The following UNC5C variants were observed in gnomAD, a reference collection of about 807,000 sequenced individuals.
The protein encoded by UNC5C is unc-5 netrin receptor C, also known as netrin receptor UNC5C.
UNC5C carries 47 observed loss-of-function variants against 99.8 expected under a neutral mutation model. The observed-to-expected ratio is 0.47, with a 90% CI of 0.37 to 0.60. The LOEUF (loss-of-function observed/expected upper bound fraction) is 0.60, where lower values mean the gene tolerates loss of function less well. UNC5C is among the 20% of genes least tolerant of loss of function. The probability of loss-of-function intolerance (pLI) is 0.00; values close to 1 mark genes in which losing one functional copy is unlikely to be tolerated. For missense variants in UNC5C, 1,062 were observed against 1,165.9 expected (o/e 0.91, Z 1.30); for synonymous variants, 487 against 452.2 (o/e 1.08, Z -0.98).
chr4:95,198,187 C>T (rs543305066), intron 12 of UNC5C, among the ~76,000 whole-genome samples: 3 of 152,028 alleles, frequency 2.0e-5, no homozygotes, highest in Non-Finnish European at 4.4e-5. Flanking sequence ...CGGGGTTTCA[C>T]CATGTTGGCC....
At chr4:95,496,712 T>A (rs549640186) in intron 1 of UNC5C, among the ~76,000 whole-genome samples, 2 of 152,038 alleles carry the variant, frequency 1.3e-5, no homozygotes, top group East Asian at 3.9e-4. Flanking sequence ...CAATAGTTTT[T>A]GAGGTACAGG....
chr4:95,231,290 C>G (rs532423136), intron 7 of UNC5C, among the ~76,000 whole-genome samples: 2 of 152,022 alleles, frequency 1.3e-5, no homozygotes, highest in African/African-American at 4.8e-5. Context: ...CCTTAATACC[C>G]GTAAATAGAT....
chr4:95,396,490 A>T (rs1002612496), intron 1 of UNC5C, among the ~76,000 whole-genome samples: 18 of 152,158 alleles, frequency 1.2e-4, no homozygotes, highest in Non-Finnish European at 1.8e-4. Flanking sequence ...TAGCAGCAGG[A>T]GACAGACAAA....
intron 1 of UNC5C, among the ~76,000 whole-genome samples, chr4:95,424,875 G>A (rs1746433149): frequency 6.6e-6 from 1 of 151,898 alleles, no homozygotes; most frequent in Admixed American, 6.6e-5. Flanking sequence ...AGAAACAGGA[G>A]GTGCTCCTAA....
intron 1 of UNC5C, among the ~76,000 whole-genome samples, chr4:95,335,883 T>C (rs1843017): frequency 5.9e-5 from 9 of 151,800 alleles, no homozygotes; most frequent in African/African-American, 1.9e-4. Context: ...AGGTAGTAAA[T>C]AGCAGAGCTG....
chr4:95,468,021 T>C (rs138558817), intron 1 of UNC5C, among the ~76,000 whole-genome samples: 8 of 151,958 alleles, frequency 5.3e-5, no homozygotes, highest in African/African-American at 1.9e-4. Context: ...GTTGGTCTTG[T>C]AGTCTCTCAA....
chr4:95,260,026 T>C (rs976492007), intron 4 of UNC5C, among the ~76,000 whole-genome samples: 2 of 152,132 alleles, frequency 1.3e-5, no homozygotes, highest in South Asian at 4.1e-4. Flanking sequence ...TGGAATTTTC[T>C]TCCAGCCACC....
At chr4:95,310,848 A>G (rs536054139) in intron 2 of UNC5C, among the ~76,000 whole-genome samples, 3 of 152,310 alleles carry the variant, frequency 2.0e-5, no homozygotes, top group South Asian at 2.1e-4. Flanking sequence ...TATGACAACT[A>G]TAGATCAACG....
rs1722352263 is a variant in UNC5C at position 95,521,312 on chromosome 4, G to A, written c.124+27422C>T. On this transcript the variant is annotated intron_variant, in intron 1 of 15. Coordinates refer to ENST00000453304, the MANE Select transcript of UNC5C (RefSeq NM_003728.4). ...CAGCTCACTGCAACCTCTGCCTCCT[G>A]GGTTCAAGCAATTCTCCTGCCTTAG... is the stretch of plus-strand genomic sequence containing the variant. Among the ~76,000 whole-genome samples, 3 of 150,202 alleles carry A rather than the reference G, an allele frequency of 2.0e-5. No homozygotes were observed. In the Admixed American group the frequency reaches 2.0e-4, roughly 10 times the overall value.
chr4:95,232,648 A>T (rs541969219), intron 7 of UNC5C, among the ~76,000 whole-genome samples: 1 of 152,232 alleles, frequency 6.6e-6, no homozygotes, highest in Admixed American at 6.5e-5. Flanking sequence ...TTGTTTTCTA[A>T]CCTGTTTGGT....
intron 4 of UNC5C, 120 bp downstream of exon 4, chr4:95,278,139 C>CCAACCATTCTAT: frequency 1.2e-6 from 1 of 808,534 alleles, no homozygotes; most frequent in Non-Finnish European, 2.0e-6. Flanking sequence ...GCAGTTAGGA[C>CCAACCATTCTAT]TCTATTACCA....
chr4:95,481,214 A>T (rs1474763531), intron 1 of UNC5C, among the ~76,000 whole-genome samples: 2 of 152,048 alleles, frequency 1.3e-5, no homozygotes, highest in East Asian at 3.9e-4. Context: ...ATACACCAAT[A>T]ACAGACAAAC....
intron 4 of UNC5C, among the ~76,000 whole-genome samples, chr4:95,266,296 G>A (rs1413415826): frequency 6.6e-6 from 1 of 152,176 alleles, no homozygotes; most frequent in African/African-American, 2.4e-5. Context: ...ACCAATTCCA[G>A]CTCTTGCAGT....
At chr4:95,448,221 T>TGAGA (rs1284671236) in intron 1 of UNC5C, among the ~76,000 whole-genome samples, 11 of 111,354 alleles carry the variant, frequency 9.9e-5, no homozygotes, top group African/African-American at 4.0e-4. Flanking sequence ...TGTGTGTGTG[T>TGAGA]GTGTGTGAGA....
chr4:95,247,788 G>A (rs540268772), intron 5 of UNC5C, among the ~76,000 whole-genome samples: 1 of 152,266 alleles, frequency 6.6e-6, no homozygotes, highest in Non-Finnish European at 1.5e-5. Context: ...ATATACATAG[G>A]AAGAGATTTG....
intron 2 of UNC5C, among the ~76,000 whole-genome samples, chr4:95,303,252 AG>A (rs1270207336): frequency 6.6e-6 from 1 of 152,224 alleles, no homozygotes; most frequent in Non-Finnish European, 1.5e-5. Context: ...GCACATTCTC[AG>A]GCTCCATGCC....
intron 1 of UNC5C, among the ~76,000 whole-genome samples, chr4:95,466,271 GC>G (rs1256460232): frequency 1.3e-5 from 2 of 152,114 alleles, no homozygotes; most frequent in East Asian, 3.9e-4. Flanking sequence ...TGGGGATACT[GC>G]CTTACCCAAA....
At chr4:95,487,694 T>C (rs892165893) in intron 1 of UNC5C, among the ~76,000 whole-genome samples, 1 of 151,738 alleles carries the variant, frequency 6.6e-6, no homozygotes, top group African/African-American at 2.4e-5. Context: ...CTAGTTATTA[T>C]AAATAGAATC....
chr4:95,413,153 A>G lies in UNC5C; in HGVS notation c.125-77522T>C, dbSNP rs553372186. Among the ~76,000 whole-genome samples, 419 of 152,250 alleles carry G rather than the reference A, an allele frequency of 2.8e-3. 4 individuals carry two copies. Among genetic ancestry groups the G allele is most frequent in the African/African-American group, 9.5e-3 (396 of 41,546 alleles). ...TATGCCAAAGCCCTTGCCACATTCCAACCTCCTGATTTACAGCTTTCCTTG... is the reference window on the plus strand; with the variant it reads ...TATGCCAAAGCCCTTGCCACATTCCGACCTCCTGATTTACAGCTTTCCTTG... On this transcript the variant is annotated intron_variant, in intron 1 of 15. Coordinates refer to ENST00000453304, the MANE Select transcript of UNC5C (RefSeq NM_003728.4).
Sources: gnomAD v4.1 joint callset for allele counts (sites outside exome capture counted in the v4.1 genomes callset) on GRCh38, gnomAD v4.1.1 for gene constraint, MANE v1.5 for transcripts, NCBI Gene and HGNC (gene_info 2026-07-23, HGNC 2026-07-21) for gene names.